Variants in AOAH observed in about 807,000 individuals in gnomAD.
The protein encoded by AOAH is acyloxyacyl hydrolase.
In AOAH, 64 loss-of-function variants were observed where a neutral mutation model predicts 92.2. That is an observed-to-expected ratio of 0.69 (90% CI 0.57 to 0.86). AOAH has a LOEUF of 0.86. Among genes scored for constraint, AOAH ranks in the 40% least tolerant of loss-of-function variants. The pLI, the probability that AOAH is intolerant of heterozygous loss-of-function variation, is 0.00. For missense variants in AOAH, 656 were observed against 694.6 expected, an observed-to-expected ratio of 0.94 and a Z score of 0.62; for synonymous variants, 263 against 254.5, an observed-to-expected ratio of 1.03 and a Z score of -0.32.
chr7:36,644,677 G>A (rs747705493), intron 4 of AOAH, among the ~76,000 whole-genome samples: 6 of 152,054 alleles, frequency 3.9e-5, no homozygotes, highest in Non-Finnish European at 5.9e-5. Flanking sequence ...GGTACACTTA[G>A]AAAGGAAAGA....
chr7:36,624,960 A>G (rs906058729), intron 6 of AOAH, among the ~76,000 whole-genome samples: 3 of 152,014 alleles, frequency 2.0e-5, no homozygotes, highest in Non-Finnish European at 4.4e-5. Context: ...GCACTTTTTA[A>G]ACTGGTACCT....
At chr7:36,711,500 G>A (rs540763022) in intron 1 of AOAH, among the ~76,000 whole-genome samples, 1 of 152,072 alleles carries the variant, frequency 6.6e-6, no homozygotes, top group Non-Finnish European at 1.5e-5. Flanking sequence ...TTCTCTTCAG[G>A]TTTCCACCTC....
intron 1 of AOAH, among the ~76,000 whole-genome samples, chr7:36,711,923 T>C (rs1798795902): frequency 6.6e-6 from 1 of 152,108 alleles, no homozygotes; most frequent in Non-Finnish European, 1.5e-5. Flanking sequence ...GGGTAAGTCC[T>C]CCTGGAGAAC....
chr7:36,709,892 A>G (rs528726893), intron 1 of AOAH, among the ~76,000 whole-genome samples: 26 of 152,326 alleles, frequency 1.7e-4, no homozygotes, highest in African/African-American at 6.3e-4. Context: ...CCAAAGCCCA[A>G]AAAACTTGTT....
chr7:36,548,643 A>G lies in AOAH; in HGVS notation c.1102T>C (p.Tyr368His). The change falls in exon 15 of 21, where the codon TAT becomes CAT. Residue 368 changes from tyrosine to histidine, a missense_variant. Physicochemically the swap from Tyr to His is moderately conservative, Grantham distance 83. Transcript: ENST00000617537. ...CAGACATCATTTCCAATCATGGCATATATAACGATGGCGGGATAGTCCAAC... is the reference window on the plus strand; with the variant it reads ...CAGACATCATTTCCAATCATGGCATGTATAACGATGGCGGGATAGTCCAAC... The part of the protein sequence containing the change: ...KVLDYPAIVI[Y>H]AMIGNDVCSG... 6.2e-7 allele frequency: 1 copy of G among 1,613,880 alleles called. No individual in the cohort carries two copies.
intron 12 of AOAH, among the ~76,000 whole-genome samples, chr7:36,578,834 A>C (rs1250073337): frequency 1.2e-4 from 19 of 152,198 alleles, no homozygotes; most frequent in Admixed American, 1.2e-3. Context: ...ATTGCTATAA[A>C]GGAATACCTG....
intron 1 of AOAH, among the ~76,000 whole-genome samples, chr7:36,694,798 G>C (rs750849077): frequency 4.6e-5 from 7 of 152,080 alleles, no homozygotes; most frequent in Non-Finnish European, 7.4e-5. Flanking sequence ...CCAATAGTTA[G>C]ACATAAAAAG....
chr7:36,672,842 T>C (rs944528558), intron 3 of AOAH, among the ~76,000 whole-genome samples: 1 of 152,166 alleles, frequency 6.6e-6, no homozygotes, highest in Non-Finnish European at 1.5e-5. Flanking sequence ...AGAAAGCAAT[T>C]AAACATATAA....
At chr7:36,569,520 T>A (rs540903123) in intron 13 of AOAH, among the ~76,000 whole-genome samples, 1 of 150,072 alleles carries the variant, frequency 6.7e-6, no homozygotes, top group Non-Finnish European at 1.5e-5. Context: ...TATCTGTCTA[T>A]CTTTCTACCA....
At chr7:36,623,300 G>C in intron 6 of AOAH, 50 bp from the exon 7 acceptor site, 2 of 1,540,476 alleles carry the variant, frequency 1.3e-6, no homozygotes, top group South Asian at 2.2e-5. Flanking sequence ...AAAAGTAACA[G>C]TGTTGGTGAA....
chr7:36,560,820 G>A (rs1010915156), intron 13 of AOAH, among the ~76,000 whole-genome samples: 6 of 152,174 alleles, frequency 3.9e-5, no homozygotes, highest in African/African-American at 1.4e-4. Context: ...TACTTCTCAA[G>A]GGAAATGCTG....
rs57475443 is a variant in AOAH, at chr7:36,587,271, C to CA, written c.938+7067dup. On this transcript the variant is annotated intron_variant, in intron 12 of 20. Coordinates refer to ENST00000617537, the MANE Select transcript of AOAH (RefSeq NM_001637.4). ...TGGGCAATAGAGAGAGACTCCGTCT[C>CA]AAAAAAAAAAAAAAAAAAAAAGAAA... Among the ~76,000 whole-genome samples, 566 of 84,366 alleles carry CA rather than the reference C, an allele frequency of 6.7e-3. 4 individuals carry two copies. The highest frequency in any genetic ancestry group is 0.014 in the Middle Eastern group (2 of 144). 55.3% of individuals were successfully genotyped at this position (84,366 alleles called of 152,430 possible).
chr7:36,601,062 C>T (rs1019388932), intron 11 of AOAH, among the ~76,000 whole-genome samples: 2 of 152,158 alleles, frequency 1.3e-5, no homozygotes, highest in African/African-American at 4.8e-5. Flanking sequence ...GGAGATGGCG[C>T]ACACCACTGC....
chr7:36,631,171 C>A (rs1201077713), intron 6 of AOAH, among the ~76,000 whole-genome samples: 1 of 151,982 alleles, frequency 6.6e-6, no homozygotes, highest in Non-Finnish European at 1.5e-5. Context: ...AGTGGTGAAA[C>A]CCCGTCTCTA....
chr7:36,670,666 A>G (rs573507855), intron 3 of AOAH, among the ~76,000 whole-genome samples: 12 of 152,144 alleles, frequency 7.9e-5, no homozygotes, highest in South Asian at 4.1e-4. Flanking sequence ...TAGTAGAGAC[A>G]GGGTTTCACC....
Position 36,701,237 on chromosome 7 carries a change from A to T in AOAH, c.128-14443T>A, listed in dbSNP as rs191028064. On this transcript the variant is annotated intron_variant, in intron 1 of 20. Coordinates refer to ENST00000617537, the MANE Select transcript of AOAH (RefSeq NM_001637.4). ...CATAACACATGGTCAATCCTGGAGA[A>T]TGGTCCATGAATACTTTGTTGTCAT... Among the ~76,000 whole-genome samples, 206 of 152,026 alleles carry T rather than the reference A, an allele frequency of 1.4e-3. 2 individuals are homozygous for T. The highest frequency in any genetic ancestry group is 0.013 in the South Asian group (63 of 4,830).
At chr7:36,615,781 A>G (rs1398761070) in intron 11 of AOAH, among the ~76,000 whole-genome samples, 1 of 152,122 alleles carries the variant, frequency 6.6e-6, no homozygotes, top group African/African-American at 2.4e-5. Flanking sequence ...AATCTCTCTT[A>G]TAGTGCCTGA....
intron 2 of AOAH, among the ~76,000 whole-genome samples, chr7:36,678,077 TAC>T (rs1325104824): frequency 2.6e-5 from 4 of 152,242 alleles, no homozygotes; most frequent in Non-Finnish European, 5.9e-5. Flanking sequence ...CACTAAATTG[TAC>T]ACTTTAAATG....
chr7:36,604,260 G>A (rs1297299260), intron 11 of AOAH, among the ~76,000 whole-genome samples: 2 of 152,186 alleles, frequency 1.3e-5, no homozygotes, highest in African/African-American at 4.8e-5. Context: ...TATTAAATAA[G>A]ATAATGTTAA....
Sources: gnomAD v4.1 joint callset for allele counts (sites outside exome capture counted in the v4.1 genomes callset) on GRCh38, gnomAD v4.1.1 for gene constraint, MANE v1.5 for transcripts, NCBI Gene and HGNC (gene_info 2026-07-23, HGNC 2026-07-21) for gene names.